Variants in EFNA5 observed in about 807,000 individuals in gnomAD.
EFNA5 encodes the protein ephrin A5, also known as ephrin-A5.
A neutral mutation model predicts 22.9 loss-of-function variants in EFNA5; 5 were observed. The observed-to-expected ratio is 0.22, with a 90% CI of 0.11 to 0.46. The LOEUF (loss-of-function observed/expected upper bound fraction) is 0.46. Ranked by LOEUF, EFNA5 falls within the 20% of genes least tolerant of loss-of-function variation. The probability of loss-of-function intolerance (pLI) is 0.99; values close to 1 mark genes in which losing one functional copy is unlikely to be tolerated. For synonymous variants in EFNA5, 113 were observed against 112.2 expected (o/e 1.01, Z -0.04); for missense variants, 237 against 293.3 (o/e 0.81, Z 1.40).
intron 2 of EFNA5, among the ~76,000 whole-genome samples, chr5:107,415,659 A>C (rs1256181176): frequency 6.6e-6 from 1 of 152,190 alleles, no homozygotes; most frequent in African/African-American, 2.4e-5. Context: ...ACAATTCCTT[A>C]ACTTCATTCA....
chr5:107,535,482 T>C (rs1747912586), intron 1 of EFNA5, among the ~76,000 whole-genome samples: 2 of 151,756 alleles, frequency 1.3e-5, no homozygotes, highest in African/African-American at 4.8e-5. Context: ...AAAACAAAAA[T>C]TTTCAAAGAA....
At chr5:107,486,899 T>C (rs1308234276) in intron 1 of EFNA5, among the ~76,000 whole-genome samples, 1 of 151,680 alleles carries the variant, frequency 6.6e-6, no homozygotes, top group East Asian at 2.1e-4. Context: ...GTCTCCTCAG[T>C]GTATTTATAC....
At chr5:107,667,819 T>C (rs978708499) in intron 1 of EFNA5, among the ~76,000 whole-genome samples, 3 of 152,176 alleles carry the variant, frequency 2.0e-5, no homozygotes, top group Admixed American at 1.3e-4. Flanking sequence ...CTTTATGAAA[T>C]AACATACAGG....
intron 2 of EFNA5, among the ~76,000 whole-genome samples, chr5:107,405,487 C>A (rs1394435796): frequency 6.6e-6 from 1 of 152,136 alleles, no homozygotes; most frequent in Non-Finnish European, 1.5e-5. Flanking sequence ...GACTTTGTAT[C>A]TATTTTTTTC....
At chr5:107,405,093 A>C (rs555072104) in intron 2 of EFNA5, among the ~76,000 whole-genome samples, 21 of 152,330 alleles carry the variant, frequency 1.4e-4, no homozygotes, top group African/African-American at 5.1e-4. Flanking sequence ...ACAGTAACCT[A>C]ATGTTCCAAG....
chr5:107,608,921 A>C (rs1749771998), intron 1 of EFNA5, among the ~76,000 whole-genome samples: 1 of 152,216 alleles, frequency 6.6e-6, no homozygotes, highest in African/African-American at 2.4e-5. Flanking sequence ...AGGCTTTTTC[A>C]TTAAACCCTA....
At chr5:107,627,636 A>G (rs1398528414) in intron 1 of EFNA5, among the ~76,000 whole-genome samples, 4 of 59,650 alleles carry the variant, frequency 6.7e-5, no homozygotes, top group Non-Finnish European at 1.1e-4. Context: ...ACCACATCTC[A>G]AAAAAAAAAA....
chr5:107,612,905 A>C (rs1749844912), intron 1 of EFNA5, among the ~76,000 whole-genome samples: 2 of 152,190 alleles, frequency 1.3e-5, no homozygotes, highest in South Asian at 2.1e-4. Flanking sequence ...CCTTCTAGAC[A>C]TAGAAACTCA....
chr5:107,549,260 C>T (rs1253266633), intron 1 of EFNA5, among the ~76,000 whole-genome samples: 2 of 152,138 alleles, frequency 1.3e-5, no homozygotes, highest in African/African-American at 2.4e-5. Flanking sequence ...GTCAAAAACA[C>T]TGAGGCTTTT....
In EFNA5 at chr5:107,455,202, T is replaced by C. The variant is rs3909463; in HGVS notation, c.126-27693A>G. Among the ~76,000 whole-genome samples the C allele has an allele frequency of 2.6e-3, 397 of 152,332 alleles. 1 individual carries two copies. The highest frequency in any genetic ancestry group is 0.024 in the Admixed American group (372 of 15,288). On this transcript the variant is annotated intron_variant, in intron 1 of 4. Coordinates refer to ENST00000333274, the MANE Select transcript of EFNA5 (RefSeq NM_001962.3). The stretch of plus-strand genomic sequence containing the variant: ...TGTCATGGCAGGCAAATGATTTATA[T>C]ACACAGACCCAAAGATCTCAGAGCT...
chr5:107,465,687 T>C (rs1749959108), intron 1 of EFNA5, among the ~76,000 whole-genome samples: 1 of 152,144 alleles, frequency 6.6e-6, no homozygotes, highest in African/African-American at 2.4e-5. Context: ...GATACAATCA[T>C]GGTGACAGTC....
chr5:107,424,299 C>A (rs1748750370), intron 2 of EFNA5, among the ~76,000 whole-genome samples: 1 of 150,068 alleles, frequency 6.7e-6, no homozygotes, highest in Non-Finnish European at 1.5e-5. Flanking sequence ...CTCTGCCACC[C>A]TGGTTCAAGT....
intron 1 of EFNA5, among the ~76,000 whole-genome samples, chr5:107,569,553 A>ATATATT (rs1367986231): frequency 2.5e-5 from 3 of 117,866 alleles, no homozygotes; most frequent in Non-Finnish European, 5.4e-5. Context: ...GTGTGTATAT[A>ATATATT]TATATTTATA....
At chr5:107,383,930 G>A (rs974938997) in intron 4 of EFNA5, among the ~76,000 whole-genome samples, 5 of 152,264 alleles carry the variant, frequency 3.3e-5, no homozygotes, top group South Asian at 2.1e-4. Flanking sequence ...AGCACCCAAC[G>A]AATATATATC....
At chr5:107,604,805 CA>C (rs1367446077) in intron 1 of EFNA5, among the ~76,000 whole-genome samples, 2 of 152,040 alleles carry the variant, frequency 1.3e-5, no homozygotes, top group Admixed American at 1.3e-4. Flanking sequence ...CCCACTAGGT[CA>C]AAAATCACTC....
chr5:107,621,508 A>G (rs1334043104), intron 1 of EFNA5, among the ~76,000 whole-genome samples: 1 of 152,202 alleles, frequency 6.6e-6, no homozygotes, highest in Non-Finnish European at 1.5e-5. Flanking sequence ...ACAAAATTTC[A>G]TATCTGATTA....
intron 1 of EFNA5, among the ~76,000 whole-genome samples, chr5:107,602,332 G>A (rs766120123): frequency 6.6e-5 from 10 of 152,006 alleles, no homozygotes; most frequent in Non-Finnish European, 1.0e-4. Flanking sequence ...TCATTACCTC[G>A]AAACAGGCCT....
Position 107,650,929 on chromosome 5 carries a change from G to A in EFNA5, c.125+19560C>T, listed in dbSNP as rs142800150. Among the ~76,000 whole-genome samples the A allele has an allele frequency of 1.1e-3, 162 of 152,232 alleles. 2 individuals are homozygous for A. The highest frequency in any genetic ancestry group is 4.7e-3 in the Admixed American group (72 of 15,268). On this transcript the variant is annotated intron_variant, in intron 1 of 4. Coordinates refer to ENST00000333274, the MANE Select transcript of EFNA5 (RefSeq NM_001962.3). Reference sequence around the variant, plus strand: ...CCAGTCCACGAAACATTTAACCTCCGGTTATACTAGTTATTTGTAGTGGAT... The same window carrying A: ...CCAGTCCACGAAACATTTAACCTCCAGTTATACTAGTTATTTGTAGTGGAT...
intron 1 of EFNA5, among the ~76,000 whole-genome samples, chr5:107,529,617 A>T (rs940992562): frequency 1.5e-4 from 23 of 152,126 alleles, no homozygotes; most frequent in Non-Finnish European, 3.1e-4. Flanking sequence ...CTGAAATGCA[A>T]CCTTTTTGGT....
Sources: allele counts gnomAD v4.1 joint callset (sites outside exome capture counted in the v4.1 genomes callset), GRCh38; gene constraint gnomAD v4.1.1; transcripts MANE v1.5; gene names NCBI Gene and HGNC (gene_info 2026-07-23, HGNC 2026-07-21).